Variants in TTC27 observed in about 807,000 individuals in gnomAD.
TTC27 encodes the protein tetratricopeptide repeat protein 27.
A neutral mutation model predicts 115.9 loss-of-function variants in TTC27; 79 were observed. The observed-to-expected ratio is 0.68, with a 90% confidence interval of 0.57 to 0.82. TTC27 has a LOEUF of 0.82. Among genes scored for constraint, TTC27 ranks in the 40% least tolerant of loss-of-function variants. TTC27 has a pLI of 0.00. For missense variants in TTC27, 1,054 were observed against 993.1 expected (o/e 1.06, Z -0.82); for synonymous variants, 401 against 356.0 (o/e 1.13, Z -1.42).
intron 2 of TTC27, among the ~76,000 whole-genome samples, chr2:32,633,416 C>CT (rs199558426): frequency 0.02 from 3,012 of 149,062 alleles, 56 homozygotes; most frequent in African/African-American, 0.045. Context: ...GACCTAATTT[C>CT]TTTTTTTTTT....
At chr2:32,679,385 A>C (rs1666340317) in intron 9 of TTC27, among the ~76,000 whole-genome samples, 1 of 152,226 alleles carries the variant, frequency 6.6e-6, no homozygotes, top group Non-Finnish European at 1.5e-5. Context: ...TAAAGTTAAT[A>C]GATAAAGATC....
At chr2:32,666,564 A>G in intron 6 of TTC27, 71 bp from the exon 7 acceptor site, 1 of 1,485,174 alleles carries the variant, frequency 6.7e-7, no homozygotes, top group Non-Finnish European at 9.1e-7. Flanking sequence ...CACTCTGAAA[A>G]TATTACTCTT....
chr2:32,781,866 C>T (rs1187319201), intron 14 of TTC27, among the ~76,000 whole-genome samples: 1 of 152,202 alleles, frequency 6.6e-6, no homozygotes, highest in African/African-American at 2.4e-5. Context: ...CACAGTGTGA[C>T]CTCCAAAATC....
chr2:32,694,577 G>A (rs1022993397), intron 9 of TTC27, among the ~76,000 whole-genome samples: 11 of 151,044 alleles, frequency 7.3e-5, no homozygotes, highest in Admixed American at 2.0e-4. Context: ...CTTTAAAAAA[G>A]TAATGAAATA....
intron 9 of TTC27, among the ~76,000 whole-genome samples, chr2:32,698,746 C>T (rs6543666): frequency 0.25 from 37,579 of 151,948 alleles, 5,315 homozygotes; most frequent in East Asian, 0.45. Context: ...TCCCAAAGTG[C>T]TGGGATTACA....
intron 5 of TTC27, among the ~76,000 whole-genome samples, chr2:32,651,304 A>G (rs141660510): frequency 1.3e-5 from 2 of 152,322 alleles, no homozygotes; most frequent in Non-Finnish European, 2.9e-5. Flanking sequence ...ATGTGTGTGC[A>G]TGTATAATAT....
chr2:32,699,601 A>T (rs901165845), intron 9 of TTC27, among the ~76,000 whole-genome samples: 3 of 152,234 alleles, frequency 2.0e-5, no homozygotes, highest in African/African-American at 7.2e-5. Context: ...CTTCTTACTT[A>T]TCCAATGTCC....
chr2:32,651,142 C>T (rs1665108298), intron 5 of TTC27, among the ~76,000 whole-genome samples: 1 of 152,128 alleles, frequency 6.6e-6, no homozygotes, highest in African/African-American at 2.4e-5. Flanking sequence ...GGTTCCAAAG[C>T]CCAGACTCCT....
At chr2:32,819,031 C>T (rs1572641684) in intron 19 of TTC27, among the ~76,000 whole-genome samples, 3 of 152,140 alleles carry the variant, frequency 2.0e-5, no homozygotes, top group Non-Finnish European at 4.4e-5. Flanking sequence ...TTTCCTGTGA[C>T]TTTCCTTCCC....
chr2:32,634,989 G>A (rs1484590981), intron 3 of TTC27, among the ~76,000 whole-genome samples: 1 of 152,082 alleles, frequency 6.6e-6, no homozygotes, highest in African/African-American at 2.4e-5. Context: ...ACTTAAGAAT[G>A]GCTCCCAGGA....
At chr2:32,772,001 A>G (rs1009843913) in intron 13 of TTC27, among the ~76,000 whole-genome samples, 1 of 152,204 alleles carries the variant, frequency 6.6e-6, no homozygotes, top group African/African-American at 2.4e-5. Context: ...TTGAATACTG[A>G]TTATCAATGA....
intron 10 of TTC27, among the ~76,000 whole-genome samples, chr2:32,723,565 C>A (rs944334026): frequency 2.4e-4 from 36 of 152,190 alleles, no homozygotes; most frequent in African/African-American, 8.2e-4. Context: ...TAGCAGGAAC[C>A]TTTAAGGTGT....
At chr2:32,707,330 G>T (rs1452504500) in intron 10 of TTC27, among the ~76,000 whole-genome samples, 1 of 152,116 alleles carries the variant, frequency 6.6e-6, no homozygotes, top group Non-Finnish European at 1.5e-5. Context: ...AAGAGAGAGA[G>T]CTCCCTTTTA....
At chr2:32,792,355 T>C (rs1435563659) in intron 16 of TTC27, among the ~76,000 whole-genome samples, 1 of 152,182 alleles carries the variant, frequency 6.6e-6, no homozygotes, top group East Asian at 1.9e-4. Context: ...ATTTAACTGT[T>C]GAGGTACCTG....
At chr2:32,800,224 G>C (rs1362300357) in intron 16 of TTC27, among the ~76,000 whole-genome samples, 1 of 152,216 alleles carries the variant, frequency 6.6e-6, no homozygotes, top group Non-Finnish European at 1.5e-5. Context: ...GTCTCGCCCT[G>C]TCACCCAGGC....
rs2063523154 is a variant in TTC27 at position 32,628,159 on chromosome 2, G to C, written c.-134G>C. 1.3e-6 allele frequency: 1 copy of C among 788,856 alleles called. No homozygotes were observed. The highest frequency in any genetic ancestry group is 2.1e-6 in the Non-Finnish European group (1 of 481,876). The allele number at this position is 788,856 out of a possible 1,614,324, so 48.9% of individuals were successfully genotyped here. ...GTAGTATCCGCACATGGAATTCTAG[G>C]GCCGCAGGTGTATTTACGGTAACTG... On this transcript the variant is annotated 5_prime_UTR_variant, in exon 1 of 20. Coordinates refer to ENST00000317907, the MANE Select transcript of TTC27 (RefSeq NM_017735.5).
At chr2:32,656,659 T>C (rs1157498407) in intron 5 of TTC27, among the ~76,000 whole-genome samples, 2 of 152,172 alleles carry the variant, frequency 1.3e-5, no homozygotes, top group Non-Finnish European at 2.9e-5. Flanking sequence ...CTGTGATAGG[T>C]GCTGGGCCTA....
intron 10 of TTC27, among the ~76,000 whole-genome samples, chr2:32,726,194 G>A (rs1046237914): frequency 2.0e-5 from 3 of 152,160 alleles, no homozygotes; most frequent in Non-Finnish European, 4.4e-5. Context: ...ATTAACATTC[G>A]GCTCCTGGTT....
At chr2:32,761,838 G>C (rs1241072939) in intron 13 of TTC27, among the ~76,000 whole-genome samples, 1 of 152,054 alleles carries the variant, frequency 6.6e-6, no homozygotes, top group African/African-American at 2.4e-5. Context: ...AGAATGTAAG[G>C]CCTATTAAAG....
Sources: gnomAD v4.1 joint callset for allele counts (sites outside exome capture counted in the v4.1 genomes callset) on GRCh38, gnomAD v4.1.1 for gene constraint, MANE v1.5 for transcripts, NCBI Gene and HGNC (gene_info 2026-07-23, HGNC 2026-07-21) for gene names.